The following SPATA16 variants were observed in gnomAD, a reference collection of about 807,000 sequenced individuals.
The protein encoded by SPATA16 is spermatogenesis-associated protein 16.
In SPATA16, 36 loss-of-function variants were observed where a neutral mutation model predicts 63.3. That is an observed-to-expected ratio of 0.57 (90% CI 0.44 to 0.75). The LOEUF is 0.75. Among genes scored for constraint, SPATA16 ranks in the 30% least tolerant of loss-of-function variants. The pLI is 0.00. For missense variants in SPATA16, 646 were observed against 679.3 expected (o/e 0.95, Z 0.54); for synonymous variants, 203 against 216.7 (o/e 0.94, Z 0.56).
intron 1 of SPATA16, among the ~76,000 whole-genome samples, chr3:173,138,940 T>C (rs1473303524): frequency 1.4e-4 from 21 of 152,224 alleles, no homozygotes; most frequent in Admixed American, 1.3e-3. Flanking sequence ...CATTTACTCC[T>C]GGAGGCTTTC....
At position 172,913,740 on chromosome 3, in the gene SPATA16, T is replaced by G; in HGVS notation, c.1508A>C (p.Gln503Pro). ...GTCCATAGCATCTGCCATTAGTGAC[T>G]GCAGCTGTGGCACCAAGATAAAAAT... ...DISQQEAELL[Q>P]SLMADAMDTL... Residue 503 changes from glutamine (Q) to proline (P), a missense_variant, in exon 10 of 11, where the codon CAG (glutamine) becomes CCG (proline). Gln to Pro is a moderately conservative substitution (Grantham distance 76). Transcript: ENST00000351008. The G allele has an allele frequency of 6.2e-7, 1 of 1,613,302 alleles. No individual in the cohort carries two copies. The highest frequency in any genetic ancestry group is 8.5e-7 in the Non-Finnish European group (1 of 1,179,404).
chr3:172,940,199 A>G (rs1162069979), intron 6 of SPATA16, among the ~76,000 whole-genome samples: 1 of 152,190 alleles, frequency 6.6e-6, no homozygotes, highest in African/African-American at 2.4e-5. Flanking sequence ...GAGCTCAGCG[A>G]ACAAATTACT....
chr3:172,915,919 G>A (rs1577087710), intron 9 of SPATA16, among the ~76,000 whole-genome samples: 2 of 152,032 alleles, frequency 1.3e-5, no homozygotes, highest in African/African-American at 4.8e-5. Context: ...GATTTTCTAG[G>A]GTCATTTTTC....
At chr3:173,081,863 G>A (rs1235591717) in intron 2 of SPATA16, among the ~76,000 whole-genome samples, 1 of 152,152 alleles carries the variant, frequency 6.6e-6, no homozygotes, top group Non-Finnish European at 1.5e-5. Flanking sequence ...TCAGGATTTA[G>A]CTTCATACAG....
At chr3:172,994,883 T>C (rs772282301) in intron 4 of SPATA16, among the ~76,000 whole-genome samples, 7 of 152,170 alleles carry the variant, frequency 4.6e-5, no homozygotes, top group Non-Finnish European at 7.4e-5. Context: ...GCAGTTAGAA[T>C]ACTTGAGAGT....
chr3:172,980,973 A>G (rs766294385), intron 4 of SPATA16, among the ~76,000 whole-genome samples: 3 of 152,178 alleles, frequency 2.0e-5, no homozygotes, highest in Non-Finnish European at 2.9e-5. Context: ...CCACCACGTC[A>G]CTGAAACTGC....
intron 4 of SPATA16, among the ~76,000 whole-genome samples, chr3:173,014,696 C>A (rs791824): frequency 0.1 from 15,841 of 152,256 alleles, 994 homozygotes; most frequent in East Asian, 0.15. Flanking sequence ...AACCTACATT[C>A]CCATAGAGCA....
chr3:173,038,594 G>A (rs890667599), intron 3 of SPATA16, among the ~76,000 whole-genome samples: 3 of 151,964 alleles, frequency 2.0e-5, no homozygotes, highest in East Asian at 1.9e-4. Flanking sequence ...CTTTTTGCAC[G>A]TAGAGGCAAC....
At chr3:172,913,020 A>T (rs1190542593) in intron 10 of SPATA16, among the ~76,000 whole-genome samples, 3 of 152,146 alleles carry the variant, frequency 2.0e-5, no homozygotes, top group African/African-American at 7.2e-5. Context: ...CAGTGATGGG[A>T]GGAAGATGAA....
intron 6 of SPATA16, among the ~76,000 whole-genome samples, chr3:172,951,591 A>C (rs1296444218): frequency 6.6e-6 from 1 of 152,204 alleles, no homozygotes; most frequent in African/African-American, 2.4e-5. Flanking sequence ...TATCCCTGAC[A>C]AGGGTGACTG....
At chr3:172,925,814 T>C (rs923592322) in intron 6 of SPATA16, among the ~76,000 whole-genome samples, 5 of 152,180 alleles carry the variant, frequency 3.3e-5, no homozygotes, top group African/African-American at 1.2e-4. Context: ...TTTGACTCTT[T>C]ACAAGAGACT....
rs1299589292 is a variant in SPATA16 at position 173,043,348 on chromosome 3, T to G, written c.758+5601A>C. On this transcript the variant is annotated intron_variant, in intron 3 of 10. Transcript: ENST00000351008. ...TTTATATTTTTAATCATTTGCATCTTTATCATAGTCTATTTACAGTTAATA... is the reference window on the plus strand; with the variant it reads ...TTTATATTTTTAATCATTTGCATCTGTATCATAGTCTATTTACAGTTAATA... Among the ~76,000 whole-genome samples, 3 of 151,996 alleles carry G rather than the reference T, an allele frequency of 2.0e-5. No individual in the cohort carries two copies. The East Asian group carries it at 5.8e-4, about 29-fold the overall frequency.
chr3:173,049,954 C>T (rs1577148521), intron 2 of SPATA16, among the ~76,000 whole-genome samples: 1 of 151,940 alleles, frequency 6.6e-6, no homozygotes, highest in Non-Finnish European at 1.5e-5. Flanking sequence ...TTCAGGATAT[C>T]GCCTTTTTGC....
At chr3:173,115,770 C>A (rs1405257341) in intron 2 of SPATA16, among the ~76,000 whole-genome samples, 1 of 152,136 alleles carries the variant, frequency 6.6e-6, no homozygotes, top group Non-Finnish European at 1.5e-5. Flanking sequence ...GTCATTTTAA[C>A]CTGCAAGTAA....
chr3:173,086,110 G>A (rs1737044741), intron 2 of SPATA16, among the ~76,000 whole-genome samples: 2 of 152,158 alleles, frequency 1.3e-5, no homozygotes, highest in Non-Finnish European at 2.9e-5. Context: ...AGAAAAAATG[G>A]TACCAGCTCC....
chr3:172,957,185 C>A (rs1733617589), intron 5 of SPATA16, among the ~76,000 whole-genome samples: 2 of 152,048 alleles, frequency 1.3e-5, no homozygotes, highest in Admixed American at 1.3e-4. Context: ...CATTGGTGAG[C>A]AATTTGTATA....
intron 8 of SPATA16, among the ~76,000 whole-genome samples, chr3:172,922,048 T>A (rs1366873366): frequency 5.9e-5 from 9 of 152,220 alleles, no homozygotes; most frequent in Non-Finnish European, 1.3e-4. Context: ...TGGGTTACAG[T>A]CAATGGTACC....
intron 10 of SPATA16, among the ~76,000 whole-genome samples, chr3:172,913,439 G>A (rs571087554): frequency 2.0e-5 from 3 of 152,050 alleles, no homozygotes; most frequent in Admixed American, 6.6e-5. Context: ...GAAAAATCAC[G>A]AAAGCATATG....
At chr3:173,006,334 C>A (rs1734945649) in intron 4 of SPATA16, among the ~76,000 whole-genome samples, 1 of 152,112 alleles carries the variant, frequency 6.6e-6, no homozygotes, top group Non-Finnish European at 1.5e-5. Context: ...GGTGAAATGC[C>A]TTGAATAAAG....
Sources: gnomAD v4.1 joint callset for allele counts (sites outside exome capture counted in the v4.1 genomes callset) on GRCh38, gnomAD v4.1.1 for gene constraint, MANE v1.5 for transcripts, NCBI Gene and HGNC (gene_info 2026-07-23, HGNC 2026-07-21) for gene names.